Variants in ACTN2 observed in about 807,000 individuals in gnomAD.
ACTN2 encodes alpha-actinin-2.
In ACTN2, 39 loss-of-function variants were observed where a neutral mutation model predicts 113.8. That is an observed-to-expected ratio of 0.34 (90% confidence interval 0.27 to 0.45). The LOEUF is 0.45. Ranked by LOEUF, ACTN2 falls within the 20% of genes least tolerant of loss-of-function variation. The pLI is 1.00. For synonymous variants in ACTN2, 429 were observed against 444.1 expected, an observed-to-expected ratio of 0.97 and a Z score of 0.43; for missense variants, 992 against 1,177.9, an observed-to-expected ratio of 0.84 and a Z score of 2.31.
At chr1:236,696,261 C>G (rs140472254) in intron 1 of ACTN2, among the ~76,000 whole-genome samples, 2 of 149,706 alleles carry the variant, frequency 1.3e-5, no homozygotes, top group African/African-American at 4.9e-5. Context: ...ACAGCTGGAG[C>G]GCAGTGAGAT....
chr1:236,728,422 C>T (rs1029569496), intron 6 of ACTN2, among the ~76,000 whole-genome samples: 10 of 152,286 alleles, frequency 6.6e-5, no homozygotes, highest in Middle Eastern at 3.4e-3. Context: ...GGATTACAGG[C>T]GTGAGCCCCT....
At chr1:236,746,007 CAA>C (rs559727419) in intron 12 of ACTN2, among the ~76,000 whole-genome samples, 3 of 149,502 alleles carry the variant, frequency 2.0e-5, no homozygotes, top group African/African-American at 7.4e-5. Flanking sequence ...ACTAAAAATA[CAA>C]AAAAAAATTA....
chr1:236,760,501 A>G (rs2102950873), intron 19 of ACTN2, among the ~76,000 whole-genome samples: 1 of 152,360 alleles, frequency 6.6e-6, no homozygotes, highest in South Asian at 2.1e-4. Flanking sequence ...TAAATCAGCC[A>G]AGATAAACTT....
At chr1:236,760,384 C>T (rs1219244359) in intron 19 of ACTN2, among the ~76,000 whole-genome samples, 2 of 152,182 alleles carry the variant, frequency 1.3e-5, no homozygotes, top group South Asian at 4.1e-4. Flanking sequence ...TCACGTACTA[C>T]GGTTTACCCA....
chr1:236,705,922 G>A (rs2102875445), intron 1 of ACTN2, among the ~76,000 whole-genome samples: 1 of 152,262 alleles, frequency 6.6e-6, no homozygotes, highest in East Asian at 1.9e-4. Context: ...TCAGTCTTGT[G>A]AGCCTGGCAG....
intron 15 of ACTN2, among the ~76,000 whole-genome samples, chr1:236,753,719 C>T (rs896760060): frequency 6.6e-6 from 1 of 152,040 alleles, no homozygotes; most frequent in African/African-American, 2.4e-5. Context: ...TTTCAGCAGG[C>T]ACTTGGTGGC....
At chr1:236,743,674 G>A (rs1038122108) in intron 11 of ACTN2, among the ~76,000 whole-genome samples, 6 of 151,928 alleles carry the variant, frequency 3.9e-5, no homozygotes, top group Non-Finnish European at 8.8e-5. Context: ...TGAGATTGGG[G>A]AGATTTTTCC....
intron 1 of ACTN2, among the ~76,000 whole-genome samples, chr1:236,711,811 G>A (rs775218314): frequency 6.6e-6 from 1 of 152,198 alleles, no homozygotes; most frequent in South Asian, 2.1e-4. Flanking sequence ...AGAATAAGCT[G>A]TTATTCAGGA....
Position 236,754,595 on chromosome 1 carries a change from A to T in ACTN2, c.1975-424A>T, listed in dbSNP as rs1659498874. On this transcript the variant is annotated intron_variant, in intron 16 of 20. Transcript: ENST00000366578. The surrounding 1 kb of genome is among the most constrained non-coding windows in gnomAD (Gnocchi z 4.9). The stretch of plus-strand genomic sequence containing the variant: ...AATATTGACTTTTTTCTTAAAGCGG[A>T]GACCATGTAAAAATATAAGAAATTC... Among the ~76,000 whole-genome samples the T allele has an allele frequency of 6.6e-6, 1 of 152,152 alleles. No individual in the cohort carries two copies. Among genetic ancestry groups the T allele is most frequent in the Non-Finnish European group, 1.5e-5 (1 of 68,030 alleles).
chr1:236,749,312 T>C, intron 14 of ACTN2, 48 bp downstream of exon 14: 1 of 1,611,028 alleles, frequency 6.2e-7, no homozygotes. Flanking sequence ...AAGTGAGTTG[T>C]CATTTAAACT....
intron 1 of ACTN2, among the ~76,000 whole-genome samples, chr1:236,713,608 A>G (rs944161929): frequency 7.9e-5 from 12 of 152,086 alleles, no homozygotes; most frequent in Admixed American, 3.9e-4. Flanking sequence ...GTGTTTATGT[A>G]TACACAGATA....
chr1:236,731,417 C>A, intron 7 of ACTN2, 103 bp downstream of exon 7: 1 of 897,018 alleles, frequency 1.1e-6, no homozygotes, highest in Non-Finnish European at 1.8e-6. Context: ...AAGTTACATC[C>A]GAAGTACTTT....
intron 6 of ACTN2, among the ~76,000 whole-genome samples, chr1:236,730,043 A>G (rs1658670165): frequency 6.6e-6 from 1 of 152,240 alleles, no homozygotes; most frequent in African/African-American, 2.4e-5. Flanking sequence ...TGCACATTTA[A>G]TCTTCACAAT....
intron 10 of ACTN2, among the ~76,000 whole-genome samples, chr1:236,741,188 G>A (rs1572134147): frequency 6.6e-6 from 1 of 152,066 alleles, no homozygotes; most frequent in African/African-American, 2.4e-5. Flanking sequence ...GGGACTACAC[G>A]CACATCCCAC....
intron 8 of ACTN2, among the ~76,000 whole-genome samples, chr1:236,736,224 C>T (rs1429917349): frequency 6.6e-6 from 1 of 152,204 alleles, no homozygotes; most frequent in Admixed American, 6.5e-5. Flanking sequence ...ACAAATAGCC[C>T]AAGGGACCTT....
Position 236,739,439 on chromosome 1 carries a change from A to C in ACTN2, c.1014A>C (p.Lys338Asn). 6.2e-7 allele frequency: 1 copy of C among 1,614,094 alleles called. No individual in the cohort carries two copies. Among genetic ancestry groups the C allele is most frequent in the Non-Finnish European group, 8.5e-7 (1 of 1,180,016 alleles). Residue 338 changes from lysine to asparagine, a missense_variant, in exon 10 of 21, where the codon AAA becomes AAC. Physicochemically the swap from Lys to Asn is moderately conservative, Grantham distance 94. Transcript: ENST00000366578. ...ACAAGCCACCCAAGGTGCAGGAGAAATGCCAGCTGGAGATCAACTTCAACA... is the reference window on the plus strand; with the variant it reads ...ACAAGCCACCCAAGGTGCAGGAGAACTGCCAGCTGGAGATCAACTTCAACA... ...RKHKPPKVQE[K>N]CQLEINFNTL...
intron 1 of ACTN2, among the ~76,000 whole-genome samples, chr1:236,709,342 GTGTATA>G (rs1657950433): frequency 1.5e-4 from 18 of 123,436 alleles, no homozygotes; most frequent in Admixed American, 1.1e-3. Context: ...ATATATATAC[GTGTATA>G]TATATATATA....
At chr1:236,728,375 G>A (rs1432146577) in intron 6 of ACTN2, among the ~76,000 whole-genome samples, 1 of 151,958 alleles carries the variant, frequency 6.6e-6, no homozygotes, top group African/African-American at 2.4e-5. Flanking sequence ...GATCTCCTGA[G>A]CTCGTGATCC....
At chr1:236,700,104 A>T (rs1657630041) in intron 1 of ACTN2, among the ~76,000 whole-genome samples, 1 of 152,022 alleles carries the variant, frequency 6.6e-6, no homozygotes, top group Non-Finnish European at 1.5e-5. Context: ...TACTGTCATC[A>T]TTTTCTATGC....
Sources: allele counts gnomAD v4.1 joint callset (sites outside exome capture counted in the v4.1 genomes callset), GRCh38; gene constraint gnomAD v4.1.1; non-coding constraint Gnocchi (gnomAD v3.1); transcripts MANE v1.5; gene names NCBI Gene and HGNC (gene_info 2026-07-23, HGNC 2026-07-21).